DPP10: variants seen among roughly 807,000 people sequenced by gnomAD.
The protein encoded by DPP10 is dipeptidyl peptidase like 10.
DPP10 carries 33 observed loss-of-function variants against 120.9 expected under a neutral mutation model. The ratio of observed to expected loss-of-function variants is 0.27; its 90% CI spans 0.21 to 0.37. DPP10 has a LOEUF of 0.37. DPP10 is among the 10% of genes least tolerant of loss of function. DPP10 has a pLI of 1.00. For synonymous variants in DPP10, 337 were observed against 326.1 expected, an observed-to-expected ratio of 1.03 and a Z score of -0.36; for missense variants, 816 against 942.8, an observed-to-expected ratio of 0.87 and a Z score of 1.76.
At chr2:115,403,521 TC>T (rs1313932919) in intron 3 of DPP10, among the ~76,000 whole-genome samples, 10 of 150,774 alleles carry the variant, frequency 6.6e-5, no homozygotes, top group African/African-American at 2.4e-4. Context: ...TGCCTCAGCC[TC>T]CAGAGTAGCT....
intron 5 of DPP10, among the ~76,000 whole-genome samples, chr2:115,550,762 C>A (rs918485678): frequency 6.6e-6 from 1 of 152,072 alleles, no homozygotes; most frequent in African/African-American, 2.4e-5. Flanking sequence ...AATTTAAGAT[C>A]TATTTATGTA....
intron 1 of DPP10, among the ~76,000 whole-genome samples, chr2:114,640,897 T>A (rs1695657834): frequency 6.6e-6 from 1 of 151,932 alleles, no homozygotes; most frequent in African/African-American, 2.4e-5. Context: ...CCAGTAACAC[T>A]CTAGCAGGGC....
At chr2:115,344,051 G>A (rs147157048) in intron 3 of DPP10, 139 bp downstream of exon 3, 4 of 491,152 alleles carry the variant, frequency 8.1e-6, no homozygotes, top group East Asian at 8.3e-5. Context: ...CAGGAGAATC[G>A]CTTGAACCTG....
chr2:114,541,291 A>G (rs1458571672), intron 1 of DPP10, among the ~76,000 whole-genome samples: 1 of 152,210 alleles, frequency 6.6e-6, no homozygotes, highest in African/African-American at 2.4e-5. Flanking sequence ...TTCATATTCC[A>G]TCCAGTGGTT....
chr2:115,556,697 G>A lies in DPP10; in HGVS notation c.441+30725G>A, dbSNP rs546539690. 3.9e-5 allele frequency among the ~76,000 whole-genome samples: 6 copies of A among 152,142 alleles called. No homozygotes were observed. The East Asian group carries it at 1.2e-3, about 29-fold the overall frequency. On this transcript the variant is annotated intron_variant, in intron 5 of 25. Transcript: ENST00000410059. Reference sequence around the variant, plus strand: ...TCTTAACCAATAACTATTTCTATAAGGACATTCTGGTGAAATTAGTGTGTC... The same window carrying A: ...TCTTAACCAATAACTATTTCTATAAAGACATTCTGGTGAAATTAGTGTGTC...
chr2:115,454,573 C>T (rs1232275209), intron 3 of DPP10, among the ~76,000 whole-genome samples: 1 of 151,582 alleles, frequency 6.6e-6, no homozygotes, highest in Non-Finnish European at 1.5e-5. Context: ...AAGGGAATAT[C>T]TTTAAAATGA....
At chr2:114,496,936 C>T (rs1012315812) in intron 1 of DPP10, among the ~76,000 whole-genome samples, 6 of 151,678 alleles carry the variant, frequency 4.0e-5, no homozygotes, top group East Asian at 3.9e-4. Context: ...TTTAACTAAG[C>T]GTTACTGTTA....
chr2:115,310,288 G>A (rs1450940546), intron 2 of DPP10, among the ~76,000 whole-genome samples: 1 of 151,990 alleles, frequency 6.6e-6, no homozygotes, highest in Non-Finnish European at 1.5e-5. Flanking sequence ...TATTTTATGA[G>A]CCCCTTAAAC....
chr2:114,939,358 C>T (rs564050439), intron 1 of DPP10, among the ~76,000 whole-genome samples: 54 of 152,084 alleles, frequency 3.6e-4, no homozygotes, highest in African/African-American at 1.3e-3. Flanking sequence ...TCAACTATTT[C>T]GCTAAGTTGT....
At chr2:114,631,782 ATCAATAATT>A (rs1694944987) in intron 1 of DPP10, among the ~76,000 whole-genome samples, 1 of 152,216 alleles carries the variant, frequency 6.6e-6, no homozygotes, top group Non-Finnish European at 1.5e-5. Flanking sequence ...AAAATCAATT[ATCAATAATT>A]TCCAATCATC....
intron 1 of DPP10, among the ~76,000 whole-genome samples, chr2:115,079,371 A>G (rs1013331447): frequency 2.9e-5 from 3 of 101,986 alleles, no homozygotes; most frequent in Non-Finnish European, 7.8e-5. Context: ...GTCTCAAAAA[A>G]CAAAAAAAAA....
At chr2:115,649,217 G>A (rs1449723079) in intron 5 of DPP10, among the ~76,000 whole-genome samples, 1 of 152,068 alleles carries the variant, frequency 6.6e-6, no homozygotes, top group Non-Finnish European at 1.5e-5. Context: ...AAGTGCCTGG[G>A]CCAAATGTTC....
At chr2:115,783,888 G>A (rs1354870368) in intron 17 of DPP10, among the ~76,000 whole-genome samples, 2 of 152,040 alleles carry the variant, frequency 1.3e-5, no homozygotes, top group Non-Finnish European at 2.9e-5. Flanking sequence ...ATAAACAAAT[G>A]TGTTTGCAGT....
chr2:115,481,245 C>T (rs2075408611), intron 3 of DPP10, among the ~76,000 whole-genome samples: 2 of 152,096 alleles, frequency 1.3e-5, no homozygotes, highest in African/African-American at 2.4e-5. Flanking sequence ...CAACTGGGTC[C>T]ATCATAGAAC....
intron 1 of DPP10, among the ~76,000 whole-genome samples, chr2:115,016,473 G>A (rs560491605): frequency 8.5e-5 from 13 of 152,188 alleles, no homozygotes; most frequent in Non-Finnish European, 1.5e-4. Context: ...AACACCAAAA[G>A]CAATGACAAC....
At chr2:115,102,690 T>C (rs963222389) in intron 1 of DPP10, among the ~76,000 whole-genome samples, 2 of 150,678 alleles carry the variant, frequency 1.3e-5, no homozygotes, top group Non-Finnish European at 3.0e-5. Context: ...ATTAGAGGCG[T>C]GAGCCACCAC....
intron 1 of DPP10, among the ~76,000 whole-genome samples, chr2:114,667,066 T>C (rs528018571): frequency 7.9e-5 from 12 of 152,346 alleles, no homozygotes; most frequent in African/African-American, 2.9e-4. Context: ...AGAGTAGCCA[T>C]AGACACTATG....
chr2:115,238,282 G>A (rs1341053956), intron 1 of DPP10, among the ~76,000 whole-genome samples: 1 of 152,138 alleles, frequency 6.6e-6, no homozygotes, highest in Non-Finnish European at 1.5e-5. Flanking sequence ...TCTGCTTGCA[G>A]CACAGTTTAC....
intron 1 of DPP10, among the ~76,000 whole-genome samples, chr2:114,529,687 T>A (rs958346399): frequency 7.2e-5 from 11 of 152,134 alleles, no homozygotes; most frequent in Non-Finnish European, 1.6e-4. Flanking sequence ...TTTTTAAAAA[T>A]TTTTATTTTA....
Sources: allele counts gnomAD v4.1 joint callset (sites outside exome capture counted in the v4.1 genomes callset), GRCh38; gene constraint gnomAD v4.1.1; transcripts MANE v1.5; gene names NCBI Gene and HGNC (gene_info 2026-07-23, HGNC 2026-07-21).